ATG7: variants seen among roughly 807,000 people sequenced by gnomAD.
ATG7 encodes the protein ubiquitin-like modifier-activating enzyme ATG7.
Under a neutral mutation model 82.4 loss-of-function variants are expected in ATG7, and 70 were observed. That is an observed-to-expected ratio of 0.85 (90% confidence interval 0.70 to 1.04). The LOEUF (loss-of-function observed/expected upper bound fraction) is 1.04, where lower values mean the gene tolerates loss of function less well. Among genes scored for constraint, ATG7 ranks in the 50% least tolerant of loss-of-function variants. ATG7 has a pLI of 0.00. For missense variants in ATG7, 792 were observed against 864.3 expected (o/e 0.92, Z 1.05); for synonymous variants, 287 against 313.0 (o/e 0.92, Z 0.88).
chr3:11,490,321 T>G (rs2090210337), intron 20 of ATG7, among the ~76,000 whole-genome samples: 1 of 152,248 alleles, frequency 6.6e-6, no homozygotes, highest in African/African-American at 2.4e-5. Context: ...TTCCATTTGC[T>G]TGGTAGATCT....
downstream of ATG7, chr3:11,558,258 C>T (rs1044448586): frequency 2.7e-5 from 13 of 485,364 alleles, no homozygotes; most frequent in Non-Finnish European, 3.7e-5. Flanking sequence ...GTCCTGGCCC[C>T]GTCGGGGCAG....
At chr3:11,408,925 A>C (rs1046914688) in intron 19 of ATG7, among the ~76,000 whole-genome samples, 2 of 152,114 alleles carry the variant, frequency 1.3e-5, no homozygotes, top group African/African-American at 4.8e-5. Flanking sequence ...GCATCTTTTC[A>C]TATGCTTACT....
At chr3:11,446,561 A>T in intron 20 of ATG7, 1 of 429,624 alleles carries the variant, frequency 2.3e-6, no homozygotes, top group Non-Finnish European at 4.6e-6. Flanking sequence ...CACACATCCA[A>T]TGACAGTGTT....
chr3:11,451,849 A>C (rs73019547), intron 20 of ATG7, among the ~76,000 whole-genome samples: 81,092 of 146,346 alleles, frequency 0.55, 23,013 homozygotes, highest in East Asian at 0.67. Flanking sequence ...CTCTCTCTCT[A>C]TATATATATA....
chr3:11,353,242 G>C (rs1483225074), intron 14 of ATG7, among the ~76,000 whole-genome samples: 1 of 152,070 alleles, frequency 6.6e-6, no homozygotes, highest in Non-Finnish European at 1.5e-5. Context: ...AAGAGATCGA[G>C]ACCATCCTGG....
At chr3:11,548,525 C>G (rs1005266364) in intron 20 of ATG7, among the ~76,000 whole-genome samples, 10 of 152,154 alleles carry the variant, frequency 6.6e-5, no homozygotes, top group Non-Finnish European at 1.3e-4. Flanking sequence ...CCCCACCTGC[C>G]CTCTATAGGG....
chr3:11,521,911 G>A (rs1228231253), intron 20 of ATG7, among the ~76,000 whole-genome samples: 3 of 152,136 alleles, frequency 2.0e-5, no homozygotes, highest in African/African-American at 4.8e-5. Context: ...GACTGCCGCC[G>A]CTGCCGACAA....
At chr3:11,317,584 C>CTTT (rs370026914) in intron 9 of ATG7, among the ~76,000 whole-genome samples, 238 of 114,382 alleles carry the variant, frequency 2.1e-3, no homozygotes, top group South Asian at 2.5e-3. Context: ...TTCTTTCTTT[C>CTTT]TTTTTTTTTT....
chr3:11,419,852 C>T (rs1299667312), intron 19 of ATG7, among the ~76,000 whole-genome samples: 3 of 152,124 alleles, frequency 2.0e-5, no homozygotes, highest in Admixed American at 1.3e-4. Context: ...AACCTAGCCT[C>T]CCAAAACAAG....
intron 20 of ATG7, among the ~76,000 whole-genome samples, chr3:11,440,135 C>T (rs2083746171): frequency 6.6e-6 from 1 of 152,140 alleles, no homozygotes; most frequent in South Asian, 2.1e-4. Flanking sequence ...ACAACTACTT[C>T]TCAGATAGCA....
At chr3:11,498,621 G>C (rs529040343) in intron 20 of ATG7, among the ~76,000 whole-genome samples, 109 of 152,306 alleles carry the variant, frequency 7.2e-4, no homozygotes, top group African/African-American at 2.5e-3. Flanking sequence ...CTCAGCTGGT[G>C]CTCCAAGACC....
intron 14 of ATG7, among the ~76,000 whole-genome samples, chr3:11,356,691 T>C (rs2075956969): frequency 6.6e-6 from 1 of 152,246 alleles, no homozygotes; most frequent in African/African-American, 2.4e-5. Context: ...TAACATGCTT[T>C]GTCAATTGTA....
chr3:11,525,269 G>C (rs939494699), intron 20 of ATG7, among the ~76,000 whole-genome samples: 1 of 151,240 alleles, frequency 6.6e-6, no homozygotes, highest in Non-Finnish European at 1.5e-5. Context: ...GACCTCAGGT[G>C]ATCTACCCGC....
Position 11,358,556 on chromosome 3 carries a change from A to T in ATG7, c.1423A>T (p.Met475Leu). ...AAGCCATGATGTCGTCTTCCTATTG[A>T]TGGACACCAGGGAGAGCCGGTGGCT... ...IESHDVVFLL[M>L]DTRESRWLPA... The change falls in exon 15 of 21, where the codon ATG (methionine) becomes TTG (leucine). Residue 475 changes from methionine (M) to leucine (L), a missense_variant. Physicochemically the swap from Met to Leu is conservative, Grantham distance 15. Coordinates refer to ENST00000693202, the MANE Select transcript of ATG7 (RefSeq NM_001349232.2). The T allele has an allele frequency of 9.9e-6, 16 of 1,614,064 alleles. No individual in the cohort carries two copies. The highest frequency in any genetic ancestry group is 1.2e-5 in the Non-Finnish European group (14 of 1,179,988).
intron 20 of ATG7, among the ~76,000 whole-genome samples, chr3:11,508,091 G>C (rs907568964): frequency 6.6e-6 from 1 of 152,092 alleles, no homozygotes; most frequent in South Asian, 2.1e-4. Flanking sequence ...TAAAACAAAA[G>C]TGTTTTTTCA....
At chr3:11,501,245 C>G (rs1467989581) in intron 20 of ATG7, among the ~76,000 whole-genome samples, 3 of 152,080 alleles carry the variant, frequency 2.0e-5, no homozygotes, top group African/African-American at 7.2e-5. Flanking sequence ...AGAGTAAGAC[C>G]CTGTCTGAAA....
Position 11,554,971 on chromosome 3 carries a change from T to C in ATG7, c.*128T>C, listed in dbSNP as rs1395385452. ...TCCTCCATACCCCGAGGTCTGGGAT[T>C]CCCCCCTCTGCTGCCCAGGAGTGGC... On this transcript the variant is annotated 3_prime_UTR_variant, in exon 21 of 21. Transcript: ENST00000693202. 2.5e-6 allele frequency: 3 copies of C among 1,214,032 alleles called. No individual in the cohort carries two copies. Among genetic ancestry groups the C allele is most frequent in the East Asian group, 2.6e-5 (1 of 37,774 alleles). The allele number at this position is 1,214,032 out of a possible 1,614,324, so 75.2% of individuals were successfully genotyped here. A position where few individuals can be genotyped will look rare whatever the true frequency, so the allele number is the denominator to read the frequency against.
chr3:11,383,998 C>T (rs1445280624), intron 19 of ATG7, among the ~76,000 whole-genome samples: 1 of 150,930 alleles, frequency 6.6e-6, no homozygotes, highest in Non-Finnish European at 1.5e-5. Context: ...AGTGTTTTTC[C>T]ATCACTCCAG....
At chr3:11,306,875 T>C in intron 5 of ATG7, 68 bp from the exon 6 acceptor site, 1 of 1,194,296 alleles carries the variant, frequency 8.4e-7, no homozygotes, top group Non-Finnish European at 1.2e-6. Context: ...ACTACAGTGG[T>C]GGTTGACTTG....
Sources: gnomAD v4.1 joint callset for allele counts (sites outside exome capture counted in the v4.1 genomes callset) on GRCh38, gnomAD v4.1.1 for gene constraint, MANE v1.5 for transcripts, NCBI Gene and HGNC (gene_info 2026-07-23, HGNC 2026-07-21) for gene names.